Variants in DPP10 observed in about 807,000 individuals in gnomAD.
The protein encoded by DPP10 is dipeptidyl peptidase like 10.
Under a neutral mutation model 120.9 loss-of-function variants are expected in DPP10, and 33 were observed. The observed-to-expected ratio is 0.27, with a 90% CI of 0.21 to 0.37. The LOEUF is 0.37. Among genes scored for constraint, DPP10 ranks in the 10% least tolerant of loss-of-function variants. The probability of loss-of-function intolerance (pLI) is 1.00; values close to 1 mark genes in which losing one functional copy is unlikely to be tolerated. For synonymous variants in DPP10, 337 were observed against 326.1 expected (o/e 1.03, Z -0.36); for missense variants, 816 against 942.8 (o/e 0.87, Z 1.76).
intron 1 of DPP10, among the ~76,000 whole-genome samples, chr2:114,649,528 AT>A (rs1234130690): frequency 6.6e-6 from 1 of 151,520 alleles, no homozygotes; most frequent in Non-Finnish European, 1.5e-5. Context: ...TTTTTTCTGT[AT>A]TTTTAGTAGA....
chr2:114,981,205 C>T (rs546938738), intron 1 of DPP10, among the ~76,000 whole-genome samples: 2 of 152,118 alleles, frequency 1.3e-5, no homozygotes, highest in South Asian at 4.2e-4. Context: ...TGGGGCTATA[C>T]GATGTCTGTG....
intron 1 of DPP10, among the ~76,000 whole-genome samples, chr2:115,230,145 T>A (rs2057666080): frequency 6.6e-6 from 1 of 151,988 alleles, no homozygotes; most frequent in African/African-American, 2.4e-5. Flanking sequence ...GTTCTTTTTG[T>A]TGTTGTTGTT....
At chr2:115,618,274 A>C (rs950464471) in intron 5 of DPP10, among the ~76,000 whole-genome samples, 1 of 152,220 alleles carries the variant, frequency 6.6e-6, no homozygotes, top group Non-Finnish European at 1.5e-5. Flanking sequence ...GTGAAAAGGC[A>C]TAGCATTTTA....
chr2:114,872,864 C>T (rs1376793053), intron 1 of DPP10, among the ~76,000 whole-genome samples: 1 of 152,114 alleles, frequency 6.6e-6, no homozygotes, highest in African/African-American at 2.4e-5. Context: ...AAGGAAAATA[C>T]CAAGGGTCCT....
chr2:115,652,494 G>A (rs181633673), intron 5 of DPP10, among the ~76,000 whole-genome samples: 6 of 150,860 alleles, frequency 4.0e-5, no homozygotes, highest in African/African-American at 1.2e-4. Flanking sequence ...TATATATAAT[G>A]TAGATAGATA....
intron 1 of DPP10, among the ~76,000 whole-genome samples, chr2:115,083,786 T>C (rs1453694393): frequency 6.6e-6 from 1 of 152,216 alleles, no homozygotes. Context: ...CTGCAAGATT[T>C]TCATGGTAGC....
intron 3 of DPP10, among the ~76,000 whole-genome samples, chr2:115,432,627 G>A (rs2071096533): frequency 6.7e-6 from 1 of 149,154 alleles, no homozygotes; most frequent in Admixed American, 6.7e-5. Context: ...AATTACTTTT[G>A]AGAGATCCTT....
At chr2:114,553,919 T>C (rs931885897) in intron 1 of DPP10, among the ~76,000 whole-genome samples, 1 of 152,212 alleles carries the variant, frequency 6.6e-6, no homozygotes, top group Admixed American at 6.5e-5. Context: ...TCACACAAGA[T>C]TCCATCTTTT....
At chr2:115,772,416 G>T (rs193189150) in intron 13 of DPP10, among the ~76,000 whole-genome samples, 318 of 152,202 alleles carry the variant, frequency 2.1e-3, no homozygotes, top group African/African-American at 7.2e-3. Context: ...CCTAATATAT[G>T]TATTTCCAGA....
intron 1 of DPP10, among the ~76,000 whole-genome samples, chr2:115,050,386 G>T (rs1411030736): frequency 6.6e-6 from 1 of 152,120 alleles, no homozygotes; most frequent in African/African-American, 2.4e-5. Context: ...AGCCCACCTG[G>T]TAGCTCCCTG....
chr2:115,283,104 C>G (rs1368054205), intron 1 of DPP10, among the ~76,000 whole-genome samples: 1 of 151,998 alleles, frequency 6.6e-6, no homozygotes, highest in African/African-American at 2.4e-5. Context: ...TACTAGCTCA[C>G]TCTTTTCTAT....
At chr2:115,126,531 A>G (rs954824369) in intron 1 of DPP10, among the ~76,000 whole-genome samples, 3 of 152,222 alleles carry the variant, frequency 2.0e-5, no homozygotes, top group Non-Finnish European at 4.4e-5. Flanking sequence ...AAATAGATAA[A>G]AGAAGAGTAT....
chr2:115,678,873 G>A (rs967721450), intron 5 of DPP10, among the ~76,000 whole-genome samples: 1 of 152,202 alleles, frequency 6.6e-6, no homozygotes, highest in Admixed American at 6.5e-5. Flanking sequence ...GGGCCATGGA[G>A]TCAAAACAGA....
intron 1 of DPP10, among the ~76,000 whole-genome samples, chr2:114,867,041 A>G (rs1328892437): frequency 6.6e-6 from 1 of 152,188 alleles, no homozygotes. Flanking sequence ...TCTGTTCTGT[A>G]TTAATGAACA....
intron 1 of DPP10, among the ~76,000 whole-genome samples, chr2:114,747,767 TA>T (rs1226101221): frequency 6.6e-6 from 1 of 152,232 alleles, no homozygotes; most frequent in Admixed American, 6.5e-5. Flanking sequence ...CCCACTTGGT[TA>T]TTTCATTCAA....
intron 1 of DPP10, among the ~76,000 whole-genome samples, chr2:115,151,048 C>T (rs1361371714): frequency 2.0e-5 from 3 of 152,216 alleles, no homozygotes; most frequent in Non-Finnish European, 4.4e-5. Context: ...AAAACTCCCA[C>T]GAGGACAATA....
intron 1 of DPP10, among the ~76,000 whole-genome samples, chr2:114,536,235 A>T (rs1448035131): frequency 6.6e-6 from 1 of 151,862 alleles, no homozygotes; most frequent in East Asian, 1.9e-4. Context: ...CTACTGTGAG[A>T]ATATTGAATC....
chr2:115,820,681 T>G (rs1174492920), intron 21 of DPP10, among the ~76,000 whole-genome samples: 1 of 152,166 alleles, frequency 6.6e-6, no homozygotes, highest in Non-Finnish European at 1.5e-5. Context: ...GAATATATTA[T>G]GTTTGGTTTT....
At chr2:115,332,873 G>A (rs1223852079) in intron 2 of DPP10, among the ~76,000 whole-genome samples, 1 of 152,056 alleles carries the variant, frequency 6.6e-6, no homozygotes, top group Non-Finnish European at 1.5e-5. Flanking sequence ...AATCGGTGTG[G>A]TGTGGTGCTG....
Sources: allele counts gnomAD v4.1 joint callset (sites outside exome capture counted in the v4.1 genomes callset), GRCh38; gene constraint gnomAD v4.1.1; transcripts MANE v1.5; gene names NCBI Gene and HGNC (gene_info 2026-07-23, HGNC 2026-07-21).